Variants in SLC30A9 observed in about 807,000 individuals in gnomAD.
SLC30A9 encodes proton-coupled zinc antiporter SLC30A9, mitochondrial.
A neutral mutation model predicts 87.5 loss-of-function variants in SLC30A9; 58 were observed. The ratio of observed to expected loss-of-function variants is 0.66; its 90% confidence interval spans 0.54 to 0.82. The LOEUF is 0.82. Ranked by LOEUF, SLC30A9 falls within the 40% of genes least tolerant of loss-of-function variation. The pLI is 0.00. For missense variants in SLC30A9, 557 were observed against 679.1 expected, an observed-to-expected ratio of 0.82 and a Z score of 2.00; for synonymous variants, 234 against 233.0, an observed-to-expected ratio of 1.00 and a Z score of -0.04.
intron 15 of SLC30A9, among the ~76,000 whole-genome samples, chr4:42,075,194 C>T (rs1235447649): frequency 1.8e-4 from 26 of 148,094 alleles, no homozygotes; most frequent in Middle Eastern, 7.0e-3. Flanking sequence ...CTGTCTCAGC[C>T]TCCTGAGTAG....
chr4:42,027,524 G>A (rs1297453680), intron 6 of SLC30A9, among the ~76,000 whole-genome samples: 1 of 151,392 alleles, frequency 6.6e-6, no homozygotes, highest in Admixed American at 6.6e-5. Flanking sequence ...TAGACATCTA[G>A]TGTTGTGCTT....
At chr4:42,039,466 C>CTT (rs34260301) in intron 8 of SLC30A9, among the ~76,000 whole-genome samples, 14 of 141,360 alleles carry the variant, frequency 9.9e-5, no homozygotes, top group African/African-American at 1.3e-4. Context: ...TTTGCCTCCT[C>CTT]TTTTTTTTTT....
rs541662321 is a variant in SLC30A9, at chr4:42,090,455, C to T, written c.*4329C>T. ...AATAAATGTCATATGTAAATAAAGG[C>T]AACTCATTTATTAGTTTGGGATTTT... On this transcript the variant is annotated 3_prime_UTR_variant, in exon 18 of 18. Coordinates refer to ENST00000264451, the MANE Select transcript of SLC30A9 (RefSeq NM_006345.4). The T allele has an allele frequency of 2.0e-5, 3 of 152,228 alleles. No homozygotes were observed. Among genetic ancestry groups the T allele is most frequent in the African/African-American group, 7.2e-5 (3 of 41,548 alleles). The allele number at this position is 152,228 out of a possible 1,614,324, so 9.4% of individuals were successfully genotyped here.
At chr4:42,043,901 T>A (rs1717026649) in intron 8 of SLC30A9, among the ~76,000 whole-genome samples, 2 of 151,946 alleles carry the variant, frequency 1.3e-5, no homozygotes, top group South Asian at 4.2e-4. Flanking sequence ...CAGAAGAGAG[T>A]GGGGGCCAAT....
chr4:42,064,222 A>G (rs1717989317), intron 11 of SLC30A9, among the ~76,000 whole-genome samples: 1 of 152,164 alleles, frequency 6.6e-6, no homozygotes, highest in Non-Finnish European at 1.5e-5. Context: ...TATGTGGTCT[A>G]GAGGATGTGG....
rs374689755 is a variant in SLC30A9 at position 42,035,499 on chromosome 4, C to CT, written c.669+181dup. 2.5e-3 allele frequency among the ~76,000 whole-genome samples: 342 copies of CT among 139,422 alleles called. 1 individual carries two copies. The highest frequency in any genetic ancestry group is 5.8e-3 in the East Asian group (28 of 4,866). The allele number at this position is 139,422 out of a possible 152,430, so 91.5% of individuals were successfully genotyped here. A position where few individuals can be genotyped will look rare whatever the true frequency, so the allele number is the denominator to read the frequency against. ...ATTCATTCATTTCCGTCTGATTTTC[C>CT]TTTTTTTTTTTTTTTGAGACAGAGT... On this transcript the variant is annotated intron_variant, in intron 7 of 17. Transcript: ENST00000264451.
At chr4:42,047,118 A>G (rs990471757) in intron 8 of SLC30A9, among the ~76,000 whole-genome samples, 1 of 152,240 alleles carries the variant, frequency 6.6e-6, no homozygotes, top group African/African-American at 2.4e-5. Flanking sequence ...ACCTAAAACC[A>G]TAAAAACCCT....
intron 6 of SLC30A9, among the ~76,000 whole-genome samples, chr4:42,034,185 T>C (rs1716577981): frequency 6.6e-6 from 1 of 150,858 alleles, no homozygotes; most frequent in South Asian, 2.1e-4. Context: ...AGTTAACTTT[T>C]ATAAAGGTAA....
At chr4:42,083,397 T>C (rs900755338) in intron 17 of SLC30A9, among the ~76,000 whole-genome samples, 6 of 152,214 alleles carry the variant, frequency 3.9e-5, no homozygotes, top group African/African-American at 1.4e-4. Context: ...ATACCAATTA[T>C]TGATTTTCAG....
intron 2 of SLC30A9, among the ~76,000 whole-genome samples, chr4:42,005,940 A>G (rs902652108): frequency 6.6e-6 from 1 of 152,228 alleles, no homozygotes; most frequent in Non-Finnish European, 1.5e-5. Context: ...TTAGCCCTGT[A>G]TTCATGTGTT....
chr4:42,001,583 T>C, intron 1 of SLC30A9, 33 bp from the exon 2 acceptor site: 2 of 1,440,206 alleles, frequency 1.4e-6, no homozygotes, highest in Non-Finnish European at 1.9e-6. Context: ...AGGACTTGGT[T>C]TGAAATTAAA....
At chr4:42,054,058 G>A (rs1717500209) in intron 9 of SLC30A9, among the ~76,000 whole-genome samples, 1 of 152,124 alleles carries the variant, frequency 6.6e-6, no homozygotes, top group African/African-American at 2.4e-5. Context: ...TTAACAACCA[G>A]AACTGTACAT....
chr4:42,004,195 A>G (rs1452838183), intron 2 of SLC30A9, among the ~76,000 whole-genome samples: 1 of 152,170 alleles, frequency 6.6e-6, no homozygotes. Flanking sequence ...CTTTGTTTGT[A>G]TATTTTTTCT....
chr4:41,995,408 A>G (rs1406223402), intron 1 of SLC30A9, among the ~76,000 whole-genome samples: 1 of 152,036 alleles, frequency 6.6e-6, no homozygotes, highest in Non-Finnish European at 1.5e-5. Flanking sequence ...ATCATTCAGC[A>G]TTGGATGCCA....
At chr4:42,044,386 CAAAAAAAA>C (rs57572080) in intron 8 of SLC30A9, among the ~76,000 whole-genome samples, 1 of 98,712 alleles carries the variant, frequency 1.0e-5, no homozygotes, top group East Asian at 3.0e-4. Flanking sequence ...AAATGGAAAG[CAAAAAAAA>C]AAAAAAAAAA....
intron 7 of SLC30A9, among the ~76,000 whole-genome samples, chr4:42,036,886 G>A (rs1716697444): frequency 6.6e-6 from 1 of 152,060 alleles, no homozygotes; most frequent in South Asian, 2.1e-4. Flanking sequence ...TCTTGTGCTG[G>A]GATAACTTAG....
At chr4:42,057,767 G>A (rs1348685311) in intron 9 of SLC30A9, among the ~76,000 whole-genome samples, 1 of 152,088 alleles carries the variant, frequency 6.6e-6, no homozygotes, top group Admixed American at 6.5e-5. Context: ...GCATTGTAAG[G>A]CTGCAAATTT....
chr4:42,075,032 TATATATATATATATATATATATA>T (rs1718467140), intron 15 of SLC30A9, among the ~76,000 whole-genome samples: 68 of 6,236 alleles, frequency 0.011, no homozygotes, highest in Non-Finnish European at 0.02. Context: ...TATATATATA[TATATATATATATATATATATATA>T]TATATTTTTT....
chr4:42,007,966 G>T (rs73810475), intron 2 of SLC30A9, among the ~76,000 whole-genome samples: 1 of 152,098 alleles, frequency 6.6e-6, no homozygotes, highest in South Asian at 2.1e-4. Context: ...TTGGCTTCTA[G>T]TTACCCATAG....
Sources: allele counts gnomAD v4.1 joint callset (sites outside exome capture counted in the v4.1 genomes callset), GRCh38; gene constraint gnomAD v4.1.1; transcripts MANE v1.5; gene names NCBI Gene and HGNC (gene_info 2026-07-23, HGNC 2026-07-21).